Variants in RTN1 observed in about 807,000 individuals in gnomAD.
RTN1 encodes reticulon-1.
RTN1 carries 25 observed loss-of-function variants against 65.5 expected under a neutral mutation model. The observed-to-expected ratio is 0.38, with a 90% CI of 0.28 to 0.53. The LOEUF is 0.53. Among genes scored for constraint, RTN1 ranks in the 20% least tolerant of loss-of-function variants. RTN1 has a pLI of 0.79. For synonymous variants in RTN1, 471 were observed against 447.6 expected, an observed-to-expected ratio of 1.05 and a Z score of -0.66; for missense variants, 983 against 1,025.4, an observed-to-expected ratio of 0.96 and a Z score of 0.57.
intron 2 of RTN1, among the ~76,000 whole-genome samples, chr14:59,728,556 T>G (rs887733890): frequency 1.3e-5 from 2 of 152,134 alleles, no homozygotes; most frequent in Non-Finnish European, 2.9e-5. Context: ...TGAGACGACC[T>G]GGGATCACCA....
intron 3 of RTN1, among the ~76,000 whole-genome samples, chr14:59,657,136 C>T (rs58840684): frequency 0.02 from 3,033 of 152,268 alleles, 102 homozygotes; most frequent in African/African-American, 0.069. Context: ...AGGCCAGGCA[C>T]GGTGGCTCAC....
At chr14:59,634,707 A>G (rs757840322) in intron 3 of RTN1, among the ~76,000 whole-genome samples, 25 of 152,218 alleles carry the variant, frequency 1.6e-4, no homozygotes, top group Non-Finnish European at 2.9e-4. Context: ...AGATAAATGC[A>G]ATAACTAACA....
intron 3 of RTN1, among the ~76,000 whole-genome samples, chr14:59,692,514 A>G (rs1883982491): frequency 6.6e-6 from 1 of 152,176 alleles, no homozygotes; most frequent in Non-Finnish European, 1.5e-5. Context: ...ATTCAATGGT[A>G]TTCCTAGGAG....
At chr14:59,596,859 T>A in intron 8 of RTN1, 72 bp from the exon 9 acceptor site, 1 of 1,189,172 alleles carries the variant, frequency 8.4e-7, no homozygotes, top group Non-Finnish European at 1.3e-6. Flanking sequence ...GTTGTTGCTT[T>A]AATTAGCTAA....
chr14:59,660,506 C>A (rs1883221226), intron 3 of RTN1, among the ~76,000 whole-genome samples: 1 of 152,180 alleles, frequency 6.6e-6, no homozygotes, highest in South Asian at 2.1e-4. Context: ...CACTCTTCAG[C>A]AAATGCAAAA....
At chr14:59,684,982 A>T (rs766592687) in intron 3 of RTN1, among the ~76,000 whole-genome samples, 1 of 152,158 alleles carries the variant, frequency 6.6e-6, no homozygotes, top group Non-Finnish European at 1.5e-5. Flanking sequence ...TTATCCCATG[A>T]TCAAGTGGGA....
At chr14:59,800,255 C>T (rs1886516145) in intron 1 of RTN1, among the ~76,000 whole-genome samples, 6 of 152,172 alleles carry the variant, frequency 3.9e-5, no homozygotes, top group Admixed American at 3.9e-4. Context: ...CTGACTCAAA[C>T]CCCCACCCTA....
At chr14:59,806,781 G>T (rs1886647011) in intron 1 of RTN1, among the ~76,000 whole-genome samples, 1 of 152,206 alleles carries the variant, frequency 6.6e-6, no homozygotes. Flanking sequence ...CCATGTTCCT[G>T]CAAAGGACAG....
chr14:59,708,273 G>C (rs1884342319), intron 3 of RTN1, among the ~76,000 whole-genome samples: 1 of 152,232 alleles, frequency 6.6e-6, no homozygotes, highest in Non-Finnish European at 1.5e-5. Context: ...GGTAAAGCGT[G>C]AAAGTCTGCT....
chr14:59,727,734 G>A lies in RTN1; in HGVS notation c.1016-66C>T, dbSNP rs1884811562. The A allele has an allele frequency of 6.7e-7, 1 of 1,498,680 alleles. No homozygotes were observed. The highest frequency in any genetic ancestry group is 1.4e-5 in the South Asian group (1 of 73,974). The allele number at this position is 1,498,680 out of a possible 1,614,324, so 92.8% of individuals were successfully genotyped here. On this transcript the variant is annotated intron_variant, in intron 2 of 8. Transcript: ENST00000267484. This position sits in a 1 kb window ranked among gnomAD's most constrained non-coding sequence, Gnocchi z 4.2. Reference sequence around the variant, plus strand: ...ACACGGACAGACAGATGGACAGAGAGAGGAGGGATAAAACAAAATTCCATT... The same window carrying A: ...ACACGGACAGACAGATGGACAGAGAAAGGAGGGATAAAACAAAATTCCATT...
At chr14:59,712,131 G>T (rs1431506135) in intron 3 of RTN1, among the ~76,000 whole-genome samples, 7 of 152,292 alleles carry the variant, frequency 4.6e-5, no homozygotes, top group African/African-American at 1.4e-4. Flanking sequence ...GAAATTTTGA[G>T]GTTTGTTACT....
chr14:59,715,320 T>C (rs143393832), intron 3 of RTN1, among the ~76,000 whole-genome samples: 177 of 152,296 alleles, frequency 1.2e-3, no homozygotes, highest in African/African-American at 4.1e-3. Context: ...ACTTTCCTCA[T>C]CAACAAGTCC....
intron 3 of RTN1, chr14:59,630,912 C>G (rs769825686): frequency 2.2e-6 from 2 of 912,942 alleles, no homozygotes; most frequent in Non-Finnish European, 2.6e-6. Context: ...TTGGGCTGTT[C>G]CTGGGAGTTC....
chr14:59,623,249 T>C (rs1452955252), intron 3 of RTN1, among the ~76,000 whole-genome samples: 2 of 152,376 alleles, frequency 1.3e-5, no homozygotes, highest in Non-Finnish European at 1.5e-5. Flanking sequence ...TGGTTAGAAA[T>C]GAATGTGATT....
chr14:59,686,330 G>A (rs952446854), intron 3 of RTN1, among the ~76,000 whole-genome samples: 7 of 151,996 alleles, frequency 4.6e-5, no homozygotes, highest in African/African-American at 1.5e-4. Flanking sequence ...AAATGATATC[G>A]AATTTAAAAA....
chr14:59,729,767 G>C (rs1884860408), intron 2 of RTN1, among the ~76,000 whole-genome samples: 1 of 152,144 alleles, frequency 6.6e-6, no homozygotes, highest in Admixed American at 6.5e-5. Context: ...CTCTCTGCCC[G>C]CTTGGATCCA....
At chr14:59,863,617 C>T (rs1184089410) in intron 1 of RTN1, among the ~76,000 whole-genome samples, 2 of 152,176 alleles carry the variant, frequency 1.3e-5, no homozygotes, top group African/African-American at 2.4e-5. Context: ...CACTCACTCC[C>T]TTGGTGATCT....
At chr14:59,728,438 C>T (rs769600797) in intron 2 of RTN1, among the ~76,000 whole-genome samples, 13 of 151,858 alleles carry the variant, frequency 8.6e-5, no homozygotes, top group Non-Finnish European at 1.5e-4. Flanking sequence ...AGAACAAAAC[C>T]TGAGAGTCAC....
chr14:59,833,340 A>G (rs925087530), intron 1 of RTN1, among the ~76,000 whole-genome samples: 3 of 152,234 alleles, frequency 2.0e-5, no homozygotes, highest in African/African-American at 7.2e-5. Context: ...ATCCAAATGA[A>G]TTCCTATGGG....
Sources: gnomAD v4.1 joint callset for allele counts (sites outside exome capture counted in the v4.1 genomes callset) on GRCh38, gnomAD v4.1.1 for gene constraint, Gnocchi (gnomAD v3.1) non-coding constraint, MANE v1.5 for transcripts, NCBI Gene and HGNC (gene_info 2026-07-23, HGNC 2026-07-21) for gene names.